SYNJ1: variants seen among roughly 807,000 people sequenced by gnomAD.
SYNJ1 encodes synaptojanin 1.
SYNJ1 carries 78 observed loss-of-function variants against 168.2 expected under a neutral mutation model. The observed-to-expected ratio is 0.46, with a 90% CI of 0.39 to 0.56. SYNJ1 has a LOEUF of 0.56. Among genes scored for constraint, SYNJ1 ranks in the 20% least tolerant of loss-of-function variants. The pLI, the probability that SYNJ1 is intolerant of heterozygous loss-of-function variation, is 0.00. For synonymous variants in SYNJ1, 539 were observed against 548.6 expected, an observed-to-expected ratio of 0.98 and a Z score of 0.24; for missense variants, 1,303 against 1,597.6, an observed-to-expected ratio of 0.82 and a Z score of 3.14.
intron 2 of SYNJ1, among the ~76,000 whole-genome samples, chr21:32,709,028 G>A (rs2042718963): frequency 6.6e-6 from 1 of 152,062 alleles, no homozygotes; most frequent in African/African-American, 2.4e-5. Flanking sequence ...AAGACAATAA[G>A]AAGATTTTAA....
chr21:32,673,202 G>T, intron 14 of SYNJ1, 138 bp downstream of exon 14: 1 of 598,776 alleles, frequency 1.7e-6, no homozygotes, highest in Non-Finnish European at 2.5e-6. Context: ...GATCTTTAAA[G>T]ATGTTGTTGG....
At position 32,721,719 on chromosome 21, in the gene SYNJ1, C is replaced by T. The variant is rs1397093895; in HGVS notation, c.124+5053G>A. On this transcript the variant is annotated intron_variant, in intron 2 of 32. Coordinates refer to ENST00000674351, the MANE Select transcript of SYNJ1 (RefSeq NM_203446.3). ...GTAATTTTGAAACAAATTAATAGTA[C>T]TTATAGAAATAATAAGTAACATTTA... is the stretch of plus-strand genomic sequence containing the variant. Among the ~76,000 whole-genome samples the T allele has an allele frequency of 2.6e-5, 4 of 151,802 alleles. No individual in the cohort carries two copies. In the South Asian group the frequency reaches 8.3e-4, roughly 32 times the overall value.
rs2040864138 is a variant in SYNJ1, at chr21:32,664,920, G to A, written c.2297C>T (p.Ala766Val). ...TCTCAAGTATAGATATACCTGTCCA[G>A]CATTTTTCTGATTGATAAGTTGATC... ...AGDQLINQKNAGQVFRGFLEG... is the reference protein window; with the variant it reads ...AGDQLINQKNVGQVFRGFLEG... The change falls in exon 18 of 33, where the codon GCT (alanine) becomes GTT (valine). Residue 766 changes from alanine (A) to valine (V), a missense_variant. Around this residue, in one of 2 missense-constraint regions of SYNJ1, gnomAD observed 920 missense variants for 1,208.8 expected, o/e 0.76. Transcript: ENST00000674351. The A allele has an allele frequency of 1.9e-6, 3 of 1,608,302 alleles. No individual in the cohort carries two copies. The highest frequency in any genetic ancestry group is 2.6e-6 in the Non-Finnish European group (3 of 1,176,356).
Position 32,657,011 on chromosome 21 carries a change from A to G in SYNJ1, c.2571T>C (p.Ser857=). The G allele has an allele frequency of 6.2e-7, 1 of 1,614,134 alleles. No homozygotes were observed. The highest frequency in any genetic ancestry group is 8.5e-7 in the Non-Finnish European group (1 of 1,179,986). ...ACTGAGACTGCTTAAACCTGTGGTC[A>G]GAAGTCTTCAGCTCAGCTCTTCCAT... ...LHYGRAELKT[S]DHRPVVALID... The change falls in exon 20 of 33, where the codon TCT becomes TCC. Residue 857 remains serine, a synonymous_variant. Transcript: ENST00000674351.
intron 2 of SYNJ1, among the ~76,000 whole-genome samples, chr21:32,707,309 C>T (rs1237890508): frequency 8.7e-6 from 1 of 114,334 alleles, no homozygotes; most frequent in Non-Finnish European, 1.7e-5. Flanking sequence ...TTTTTTGAGA[C>T]AGGATCTCAC....
In SYNJ1 at chr21:32,685,789, T is replaced by G. The variant is rs781402112; in HGVS notation, c.1077A>C (p.Leu359=). 2 of 1,610,858 alleles carry G rather than the reference T, an allele frequency of 1.2e-6. No individual in the cohort carries two copies. The highest frequency in any genetic ancestry group is 2.2e-5 in the South Asian group (2 of 90,376). The change falls in exon 9 of 33, where the codon CTA becomes CTC. Residue 359 remains leucine (L), a synonymous_variant. Transcript: ENST00000674351. The part of the protein sequence containing the change: ...SVLKPQVQKF[L]DYGFFYFNGS... ...CATTGAAATAAAAAAATCCATAATC[T>G]AGAAACTTCTGGACTTGAGGTTTAA... is the stretch of plus-strand genomic sequence containing the variant.
intron 4 of SYNJ1, 73 bp downstream of exon 4, chr21:32,699,765 G>A: frequency 6.5e-7 from 1 of 1,527,068 alleles, no homozygotes; most frequent in Non-Finnish European, 8.8e-7. Context: ...TCACGGTGAG[G>A]AGGTTTTTGA....
chr21:32,725,880 G>A (rs1390067103), intron 2 of SYNJ1, among the ~76,000 whole-genome samples: 2 of 151,830 alleles, frequency 1.3e-5, no homozygotes, highest in African/African-American at 2.4e-5. Flanking sequence ...TCACTGTGTT[G>A]CCCAAGCTGG....
intron 11 of SYNJ1, among the ~76,000 whole-genome samples, chr21:32,681,113 AAG>A (rs2041605515): frequency 6.6e-6 from 1 of 152,202 alleles, no homozygotes; most frequent in Admixed American, 6.5e-5. Context: ...AAAGCCAAAT[AAG>A]AGAGAACCCT....
intron 6 of SYNJ1, 26 bp downstream of exon 6, chr21:32,694,202 A>G: frequency 6.7e-7 from 1 of 1,501,988 alleles, no homozygotes; most frequent in Non-Finnish European, 8.9e-7. Flanking sequence ...TCAAAAAACA[A>G]AAATAACTGA....
chr21:32,670,443 A>G (rs2041142683), intron 14 of SYNJ1, 71 bp from the exon 15 acceptor site: 1 of 1,143,906 alleles, frequency 8.7e-7, no homozygotes, highest in East Asian at 2.5e-5. Context: ...CCAACACAAC[A>G]TAACACCAGG....
intron 2 of SYNJ1, among the ~76,000 whole-genome samples, chr21:32,717,518 T>C (rs1267359115): frequency 1.3e-5 from 2 of 152,186 alleles, no homozygotes; most frequent in Non-Finnish European, 2.9e-5. Context: ...TTAAGCTTTG[T>C]TAGGGAGGGC....
chr21:32,637,173 T>C (rs2039603800), intron 31 of SYNJ1, among the ~76,000 whole-genome samples: 1 of 152,182 alleles, frequency 6.6e-6, no homozygotes, highest in Admixed American at 6.5e-5. Flanking sequence ...TTAGTAATTA[T>C]GGCACGCAAC....
chr21:32,669,340 G>A (rs2833943), intron 15 of SYNJ1, among the ~76,000 whole-genome samples: 38,625 of 151,938 alleles, frequency 0.25, 4,964 homozygotes, highest in East Asian at 0.35. Flanking sequence ...AAAAACTTGC[G>A]TTTTCAGGCA....
Position 32,639,744 on chromosome 21 carries a change from T to TG in SYNJ1, c.3623dup (p.Gln1209ThrfsTer14). On this transcript the variant is annotated frameshift_variant, in exon 30 of 33. Coordinates refer to ENST00000674351, the MANE Select transcript of SYNJ1 (RefSeq NM_203446.3). LOFTEE classifies it high-confidence loss of function. ...CAGCAGATGCCCGCGCGTGGCTCTG[T>TG]GGGGCACTGATAACTCCAGCACGAG... 1 of 1,614,124 alleles carries TG rather than the reference T, an allele frequency of 6.2e-7. No individual in the cohort carries two copies. The highest frequency in any genetic ancestry group is 8.5e-7 in the Non-Finnish European group (1 of 1,180,008).
At chr21:32,644,845 T>C (rs2039994417) in intron 26 of SYNJ1, 123 bp downstream of exon 26, 1 of 1,064,110 alleles carries the variant, frequency 9.4e-7, no homozygotes, top group Non-Finnish European at 1.3e-6. Flanking sequence ...GTTTTATTTG[T>C]GGATTAGTTT....
chr21:32,653,607 T>A (rs1333850989), intron 21 of SYNJ1: 1 of 423,280 alleles, frequency 2.4e-6, no homozygotes, highest in Non-Finnish European at 4.3e-6. Context: ...TCTGTGCACC[T>A]CCATTTGTGA....
intron 13 of SYNJ1, among the ~76,000 whole-genome samples, chr21:32,674,872 G>C (rs2041342360): frequency 6.6e-6 from 1 of 152,156 alleles, no homozygotes; most frequent in South Asian, 2.1e-4. Context: ...GAGTGAAAAA[G>C]GCGAGTGATG....
At position 32,638,755 on chromosome 21, in the gene SYNJ1, T is replaced by C. The variant is rs377058258; in HGVS notation, c.3915+153A>G. On this transcript the variant is annotated intron_variant, in intron 31 of 32. Coordinates refer to ENST00000674351, the MANE Select transcript of SYNJ1 (RefSeq NM_203446.3). The stretch of plus-strand genomic sequence containing the variant: ...AAAAACCCAAACATATATATATATA[T>C]ACACATATATATGTATAATAACAAA... Among the ~76,000 whole-genome samples the C allele has an allele frequency of 4.9e-4, 75 of 152,062 alleles. 1 individual carries two copies. Among genetic ancestry groups the C allele is most frequent in the Middle Eastern group, 3.4e-3 (1 of 294 alleles).
Sources: gnomAD v4.1 joint callset for allele counts (sites outside exome capture counted in the v4.1 genomes callset) on GRCh38, gnomAD v4.1.1 for gene constraint, gnomAD v4.1.1 regional missense constraint, MANE v1.5 for transcripts, NCBI Gene and HGNC (gene_info 2026-07-23, HGNC 2026-07-21) for gene names.